NFIA: variants seen among roughly 807,000 people sequenced by gnomAD.
NFIA encodes nuclear factor 1 A-type.
NFIA carries 8 observed loss-of-function variants against 62.8 expected under a neutral mutation model. That is an observed-to-expected ratio of 0.13 (90% confidence interval 0.07 to 0.23). The LOEUF (loss-of-function observed/expected upper bound fraction) is 0.23. Ranked by LOEUF, NFIA falls within the 10% of genes least tolerant of loss-of-function variation. NFIA has a pLI of 1.00. For synonymous variants in NFIA, 235 were observed against 238.1 expected (o/e 0.99, Z 0.12); for missense variants, 410 against 642.1 (o/e 0.64, Z 3.91).
At chr1:61,309,767 T>C (rs1346441418) in intron 3 of NFIA, among the ~76,000 whole-genome samples, 1 of 152,164 alleles carries the variant, frequency 6.6e-6, no homozygotes, top group Non-Finnish European at 1.5e-5. Context: ...CATGCACCTG[T>C]AGTCCCAGCT....
At chr1:61,159,913 C>T (rs569856302) in intron 2 of NFIA, among the ~76,000 whole-genome samples, 5 of 152,254 alleles carry the variant, frequency 3.3e-5, no homozygotes, top group African/African-American at 1.2e-4. Flanking sequence ...AACTCCTGAC[C>T]TCAGGTGATC....
chr1:61,164,458 G>T (rs900741899), intron 2 of NFIA, among the ~76,000 whole-genome samples: 29 of 151,678 alleles, frequency 1.9e-4, no homozygotes, highest in African/African-American at 3.9e-4. Context: ...TGTTTTTTTT[G>T]TTTGTTTGTT....
intron 3 of NFIA, among the ~76,000 whole-genome samples, chr1:61,304,827 C>T (rs1243749313): frequency 6.6e-6 from 1 of 152,114 alleles, no homozygotes; most frequent in Non-Finnish European, 1.5e-5. Context: ...TCCTGATGTA[C>T]AAAATGAGGG....
intron 6 of NFIA, among the ~76,000 whole-genome samples, chr1:61,378,909 A>G (rs1664275001): frequency 6.6e-6 from 1 of 152,080 alleles, no homozygotes; most frequent in Non-Finnish European, 1.5e-5. Context: ...ATGGCAGCTG[A>G]CTTCTTCAAA....
At chr1:61,169,404 C>T (rs376233914) in intron 2 of NFIA, among the ~76,000 whole-genome samples, 3 of 152,202 alleles carry the variant, frequency 2.0e-5, no homozygotes, top group African/African-American at 7.2e-5. Flanking sequence ...GCTCTTCTTT[C>T]CATCCTCACA....
chr1:61,422,288 C>A (rs1666656721), intron 9 of NFIA, among the ~76,000 whole-genome samples: 5 of 152,130 alleles, frequency 3.3e-5, no homozygotes, highest in Admixed American at 3.3e-4. Flanking sequence ...CCTCAACTGA[C>A]GTTGGCATGA....
rs571478181 is a variant in NFIA, at chr1:61,089,843, T to G, written c.559+1163T>G. On this transcript the variant is annotated intron_variant, in intron 2 of 10. Coordinates refer to ENST00000403491, the MANE Select transcript of NFIA (RefSeq NM_001134673.4). Reference sequence around the variant, plus strand: ...TCTCTATTATTTTTCTCAATATATGTTTTAGAAAGAGAACTTTTGTTATCC... The same window carrying G: ...TCTCTATTATTTTTCTCAATATATGGTTTAGAAAGAGAACTTTTGTTATCC... 5.2e-4 allele frequency among the ~76,000 whole-genome samples: 79 copies of G among 152,196 alleles called. 1 individual carries two copies. The highest frequency in any genetic ancestry group is 1.8e-3 in the African/African-American group (75 of 41,516).
intron 3 of NFIA, among the ~76,000 whole-genome samples, chr1:61,320,110 C>CT (rs34013347): frequency 0.07 from 10,196 of 146,212 alleles, 354 homozygotes; most frequent in South Asian, 0.12. Flanking sequence ...CATTCTACTT[C>CT]TTTTTTTTTT....
intron 2 of NFIA, among the ~76,000 whole-genome samples, chr1:61,148,308 G>A (rs1372724933): frequency 1.3e-5 from 2 of 152,104 alleles, no homozygotes; most frequent in African/African-American, 4.8e-5. Context: ...TCTATTTGTA[G>A]CTTGTTAAAT....
chr1:61,163,636 AAGTT>A, intron 2 of NFIA, among the ~76,000 whole-genome samples: 1 of 152,236 alleles, frequency 6.6e-6, no homozygotes, highest in East Asian at 1.9e-4. Context: ...CCTGTTGAAA[AAGTT>A]AGTAGTCAGA....
At chr1:61,313,953 G>A (rs1276474971) in intron 3 of NFIA, among the ~76,000 whole-genome samples, 1 of 152,184 alleles carries the variant, frequency 6.6e-6, no homozygotes, top group Non-Finnish European at 1.5e-5. Flanking sequence ...ATTATAATAT[G>A]TAATAGCACC....
chr1:61,089,255 C>T (rs11207695), intron 2 of NFIA, among the ~76,000 whole-genome samples: 11,576 of 152,192 alleles, frequency 0.076, 434 homozygotes, highest in East Asian at 0.098. Context: ...GGGAAACAAA[C>T]CAGCTCTTTC....
At position 61,088,072 on chromosome 1, in the gene NFIA, A is replaced by T. The variant is rs188421542; in HGVS notation, c.28-77A>T. 4.2e-5 allele frequency: 58 copies of T among 1,393,830 alleles called. No homozygotes were observed. In the East Asian group the frequency reaches 1.3e-3, roughly 30 times the overall value. The allele number at this position is 1,393,830 out of a possible 1,614,324, so 86.3% of individuals were successfully genotyped here. A position where few individuals can be genotyped will look rare whatever the true frequency, so the allele number is the denominator to read the frequency against. On this transcript the variant is annotated intron_variant, in intron 1 of 10. Coordinates refer to ENST00000403491, the MANE Select transcript of NFIA (RefSeq NM_001134673.4). This position sits in a 1 kb window ranked among gnomAD's most constrained non-coding sequence, Gnocchi z 4.5. ...AAGTGAAATGAGGAATTTCTTTCTTAAGGTGACCCGCTGAAGAAAAGTTGT... is the reference window on the plus strand; with the variant it reads ...AAGTGAAATGAGGAATTTCTTTCTTTAGGTGACCCGCTGAAGAAAAGTTGT...
At chr1:61,122,884 C>T (rs1646909665) in intron 2 of NFIA, among the ~76,000 whole-genome samples, 1 of 152,004 alleles carries the variant, frequency 6.6e-6, no homozygotes, top group Non-Finnish European at 1.5e-5. Flanking sequence ...GGTTTTAAGC[C>T]CAGCATGCAT....
chr1:61,435,370 C>T (rs995628864), intron 10 of NFIA, among the ~76,000 whole-genome samples: 12 of 152,142 alleles, frequency 7.9e-5, no homozygotes, highest in East Asian at 1.9e-4. Flanking sequence ...ATTTTCCTCC[C>T]GTAACAAGAA....
At chr1:61,292,968 G>A (rs1658982731) in intron 3 of NFIA, among the ~76,000 whole-genome samples, 1 of 152,172 alleles carries the variant, frequency 6.6e-6, no homozygotes. Context: ...ATGTTGGGTT[G>A]AGCACCTTCT....
Position 61,082,827 on chromosome 1 carries a change from C to G in NFIA, c.27+9C>G. ...CGCTCTGTCTCACCCAGGTAAGCCG[C>G]GGCGTGGATGCGGAGGGCTTGGGGG... On this transcript the variant is annotated intron_variant, in intron 1 of 10. Transcript: ENST00000403491. 1.3e-6 allele frequency: 2 copies of G among 1,509,900 alleles called. No individual in the cohort carries two copies. The highest frequency in any genetic ancestry group is 1.8e-6 in the Non-Finnish European group (2 of 1,123,842). 93.5% of individuals were successfully genotyped at this position (1,509,900 alleles called of 1,614,324 possible).
intron 3 of NFIA, among the ~76,000 whole-genome samples, chr1:61,329,193 G>A (rs1343161158): frequency 4.0e-5 from 6 of 150,302 alleles, no homozygotes; most frequent in Non-Finnish European, 8.9e-5. Context: ...GATTACAAGC[G>A]TGCGCCACCA....
At chr1:61,376,477 G>A (rs1215813316) in intron 6 of NFIA, among the ~76,000 whole-genome samples, 2 of 152,090 alleles carry the variant, frequency 1.3e-5, no homozygotes, top group African/African-American at 4.8e-5. Context: ...TATTTATTTT[G>A]TGGAGGTTCT....
Sources: gnomAD v4.1 joint callset for allele counts (sites outside exome capture counted in the v4.1 genomes callset) on GRCh38, gnomAD v4.1.1 for gene constraint, Gnocchi (gnomAD v3.1) non-coding constraint, MANE v1.5 for transcripts, NCBI Gene and HGNC (gene_info 2026-07-23, HGNC 2026-07-21) for gene names.